EBPL: variants seen among roughly 807,000 people sequenced by gnomAD.
EBPL encodes the protein EBP like.
EBPL carries 20 observed loss-of-function variants against 19.0 expected under a neutral mutation model. That is an observed-to-expected ratio of 1.05 (90% CI 0.74 to 1.53). EBPL has a LOEUF of 1.53. Ranked by LOEUF, EBPL falls within the 40% of genes most tolerant of loss-of-function variation. The pLI is 0.00. For missense variants in EBPL, 219 were observed against 261.1 expected (o/e 0.84, Z 1.11); for synonymous variants, 107 against 117.0 (o/e 0.91, Z 0.55).
At chr13:49,663,638 T>C (rs1243687848) in intron 2 of EBPL, among the ~76,000 whole-genome samples, 1 of 152,162 alleles carries the variant, frequency 6.6e-6, no homozygotes. Context: ...AGGACATGTT[T>C]ATAAAAAACA....
intron 1 of EBPL, among the ~76,000 whole-genome samples, chr13:49,680,959 T>G (rs1354448642): frequency 6.6e-6 from 1 of 152,212 alleles, no homozygotes; most frequent in African/African-American, 2.4e-5. Flanking sequence ...TTCCCAGAGA[T>G]GACCACTGTT....
intron 1 of EBPL, among the ~76,000 whole-genome samples, chr13:49,683,910 G>C (rs1953970271): frequency 6.6e-6 from 1 of 152,170 alleles, no homozygotes; most frequent in South Asian, 2.1e-4. Flanking sequence ...ATTTGTAATA[G>C]TAAAAAACTA....
At chr13:49,688,115 T>G (rs1451898944) in intron 1 of EBPL, among the ~76,000 whole-genome samples, 2 of 152,196 alleles carry the variant, frequency 1.3e-5, no homozygotes, top group African/African-American at 4.8e-5. Context: ...GCAGAAGAGA[T>G]AAAATTTTAT....
At chr13:49,687,196 C>T (rs1462204549) in intron 1 of EBPL, among the ~76,000 whole-genome samples, 1 of 152,210 alleles carries the variant, frequency 6.6e-6, no homozygotes, top group Non-Finnish European at 1.5e-5. Context: ...ACCCATGTTG[C>T]TCAGGGCCTA....
chr13:49,685,650 G>A (rs930452120), intron 1 of EBPL, among the ~76,000 whole-genome samples: 5 of 152,100 alleles, frequency 3.3e-5, no homozygotes, highest in Admixed American at 2.0e-4. Flanking sequence ...TGAGACAGGC[G>A]GATCACGAGG....
intron 1 of EBPL, among the ~76,000 whole-genome samples, chr13:49,671,736 T>C (rs999879389): frequency 2.0e-5 from 3 of 152,210 alleles, no homozygotes; most frequent in Non-Finnish European, 4.4e-5. Context: ...TTCCTTCCTA[T>C]AGATTGTAAA....
At chr13:49,664,731 C>A (rs1169556226) in intron 2 of EBPL, among the ~76,000 whole-genome samples, 1 of 152,048 alleles carries the variant, frequency 6.6e-6, no homozygotes, top group African/African-American at 2.4e-5. Flanking sequence ...TGCTACTGAG[C>A]AGCACACAGC....
At chr13:49,679,006 T>TTAAAAA (rs1555301247) in intron 1 of EBPL, among the ~76,000 whole-genome samples, 1 of 95,188 alleles carries the variant, frequency 1.1e-5, no homozygotes, top group Non-Finnish European at 1.9e-5. Context: ...AGACTCCGTC[T>TTAAAAA]AAAAAAAAAA....
chr13:49,682,117 G>A (rs576676005), intron 1 of EBPL, among the ~76,000 whole-genome samples: 10 of 152,256 alleles, frequency 6.6e-5, no homozygotes, highest in East Asian at 3.9e-4. Context: ...GCTGCTGCCC[G>A]CTTAATTAGA....
chr13:49,665,682 G>A (rs1296268713), intron 2 of EBPL, among the ~76,000 whole-genome samples: 1 of 151,704 alleles, frequency 6.6e-6, no homozygotes, highest in Admixed American at 6.6e-5. Flanking sequence ...TGGGATTACA[G>A]GCGTGGGCCA....
At chr13:49,670,289 G>A (rs920063037) in intron 1 of EBPL, among the ~76,000 whole-genome samples, 2 of 152,060 alleles carry the variant, frequency 1.3e-5, no homozygotes, top group African/African-American at 4.8e-5. Context: ...TACCAGCATT[G>A]AGCAATCCTC....
At chr13:49,661,271 T>A in intron 3 of EBPL, 63 bp from the exon 4 acceptor site, 1 of 1,335,146 alleles carries the variant, frequency 7.5e-7, no homozygotes. Flanking sequence ...ATCAGAGTCA[T>A]GACATCTTGT....
At chr13:49,675,033 T>A (rs1006421061) in intron 1 of EBPL, among the ~76,000 whole-genome samples, 15 of 152,182 alleles carry the variant, frequency 9.9e-5, no homozygotes, top group African/African-American at 3.6e-4. Flanking sequence ...ATGAATGTAT[T>A]TTAGGTACCT....
At chr13:49,675,802 TCCCA>T (rs1199982867) in intron 1 of EBPL, among the ~76,000 whole-genome samples, 1 of 152,110 alleles carries the variant, frequency 6.6e-6, no homozygotes, top group Non-Finnish European at 1.5e-5. Flanking sequence ...CATTTTGCAT[TCCCA>T]CCAACAGTGC....
chr13:49,666,133 C>CAGGCA (rs1243640465), intron 2 of EBPL, among the ~76,000 whole-genome samples: 2 of 152,146 alleles, frequency 1.3e-5, no homozygotes, highest in Non-Finnish European at 2.9e-5. Flanking sequence ...AGGGGCCACG[C>CAGGCA]AGGCAGGCTT....
chr13:49,672,279 T>G (rs1594408933), intron 1 of EBPL, among the ~76,000 whole-genome samples: 1 of 152,362 alleles, frequency 6.6e-6, no homozygotes, highest in East Asian at 1.9e-4. Flanking sequence ...TATCTCTTAC[T>G]GTATTAATGT....
intron 1 of EBPL, among the ~76,000 whole-genome samples, chr13:49,674,142 T>C (rs1953850612): frequency 6.6e-6 from 1 of 152,272 alleles, no homozygotes; most frequent in Admixed American, 6.5e-5. Flanking sequence ...AGAGTCTTGC[T>C]CCCCAGGCAG....
chr13:49,691,185 A>C, intron 1 of EBPL, 69 bp downstream of exon 1: 2 of 1,234,510 alleles, frequency 1.6e-6, no homozygotes, highest in Non-Finnish European at 2.0e-6. Flanking sequence ...GGACCCCCTC[A>C]CCCCGCCTTG....
chr13:49,684,716 A>G (rs1763745006), intron 1 of EBPL, among the ~76,000 whole-genome samples: 1 of 152,200 alleles, frequency 6.6e-6, no homozygotes, highest in Admixed American at 6.5e-5. Flanking sequence ...GGAGAAATAC[A>G]GTAGCAATGA....
Sources: gnomAD v4.1 joint callset for allele counts (sites outside exome capture counted in the v4.1 genomes callset) on GRCh38, gnomAD v4.1.1 for gene constraint, MANE v1.5 for transcripts, NCBI Gene and HGNC (gene_info 2026-07-23, HGNC 2026-07-21) for gene names.